Variants in DISC1 observed in about 807,000 individuals in gnomAD.
DISC1 encodes DISC1 scaffold protein, also known as disrupted in schizophrenia 1 protein.
A neutral mutation model predicts 84.5 loss-of-function variants in DISC1; 57 were observed. That is an observed-to-expected ratio of 0.67 (90% CI 0.55 to 0.84). DISC1 has a LOEUF of 0.84. Among genes scored for constraint, DISC1 ranks in the 40% least tolerant of loss-of-function variants. The pLI, the probability that DISC1 is intolerant of heterozygous loss-of-function variation, is 0.00. For synonymous variants in DISC1, 411 were observed against 415.2 expected (o/e 0.99, Z 0.12); for missense variants, 1,000 against 1,057.8 (o/e 0.95, Z 0.76).
intron 6 of DISC1, chr1:231,771,481 C>A (rs1198628114): frequency 1.0e-6 from 1 of 985,224 alleles, no homozygotes; most frequent in Non-Finnish European, 1.2e-6. Flanking sequence ...AGAGGGACAC[C>A]CAATGGCAAA....
intron 1 of DISC1, among the ~76,000 whole-genome samples, chr1:231,668,730 T>C (rs924544957): frequency 6.6e-6 from 1 of 152,194 alleles, no homozygotes; most frequent in African/African-American, 2.4e-5. Flanking sequence ...ATCCCAGTGA[T>C]AGTGATACCA....
intron 3 of DISC1, among the ~76,000 whole-genome samples, chr1:231,741,516 A>G (rs2073271112): frequency 6.6e-6 from 1 of 152,220 alleles, no homozygotes; most frequent in Non-Finnish European, 1.5e-5. Flanking sequence ...GCAGGTCACT[A>G]TACAATGACC....
chr1:231,711,357 C>CTTTTT (rs57262026), intron 3 of DISC1, among the ~76,000 whole-genome samples: 7 of 111,306 alleles, frequency 6.3e-5, no homozygotes, highest in Admixed American at 3.6e-4. Context: ...GGACATATTT[C>CTTTTT]TTTTTTTTTT....
chr1:231,846,147 G>A (rs571009161), intron 9 of DISC1, among the ~76,000 whole-genome samples: 9 of 152,278 alleles, frequency 5.9e-5, no homozygotes, highest in African/African-American at 1.9e-4. Flanking sequence ...GGTGGGGAGT[G>A]AGCATCCACA....
chr1:231,837,929 T>C, intron 9 of DISC1, among the ~76,000 whole-genome samples: 1 of 152,204 alleles, frequency 6.6e-6, no homozygotes, highest in East Asian at 1.9e-4. Context: ...TTTGTATGAA[T>C]GCCCTTTCAT....
At chr1:231,840,581 C>T (rs752012224) in intron 9 of DISC1, among the ~76,000 whole-genome samples, 12 of 152,010 alleles carry the variant, frequency 7.9e-5, no homozygotes, top group Non-Finnish European at 1.2e-4. Context: ...CCTATTCATA[C>T]GATGCTCTGG....
chr1:232,007,512 T>C (rs1386126313), intron 10 of DISC1, among the ~76,000 whole-genome samples: 1 of 152,230 alleles, frequency 6.6e-6, no homozygotes, highest in African/African-American at 2.4e-5. Context: ...GCGTGGGGCC[T>C]GTAGCCCCTT....
chr1:231,792,702 A>G (rs983257508), intron 6 of DISC1, among the ~76,000 whole-genome samples: 2 of 152,218 alleles, frequency 1.3e-5, no homozygotes, highest in African/African-American at 4.8e-5. Flanking sequence ...GTACGGGTCC[A>G]TGTTGGATGC....
chr1:231,830,696 A>G (rs944460334), intron 9 of DISC1, among the ~76,000 whole-genome samples: 1 of 152,198 alleles, frequency 6.6e-6, no homozygotes, highest in African/African-American at 2.4e-5. Flanking sequence ...GTCTGGAATG[A>G]GACTGGGGCC....
At chr1:231,793,844 T>C (rs2078537254) in intron 6 of DISC1, among the ~76,000 whole-genome samples, 1 of 152,198 alleles carries the variant, frequency 6.6e-6, no homozygotes, top group African/African-American at 2.4e-5. Flanking sequence ...TTCAAACATA[T>C]TTAAAAATAC....
At chr1:232,003,699 C>A (rs564508938) in intron 10 of DISC1, among the ~76,000 whole-genome samples, 8 of 152,034 alleles carry the variant, frequency 5.3e-5, no homozygotes, top group African/African-American at 9.6e-5. Context: ...GATAGGAGAA[C>A]CCTCAGATAA....
intron 8 of DISC1, among the ~76,000 whole-genome samples, chr1:231,807,039 G>A (rs911333734): frequency 3.3e-5 from 5 of 152,204 alleles, no homozygotes; most frequent in African/African-American, 4.8e-5. Context: ...CGCGTCCACC[G>A]TCTGCATGCC....
intron 4 of DISC1, among the ~76,000 whole-genome samples, chr1:231,766,303 A>AAC (rs1553340532): frequency 1.3e-5 from 2 of 150,504 alleles, no homozygotes; most frequent in African/African-American, 2.4e-5. Flanking sequence ...AAAAAAAAAA[A>AAC]AAAACAAAAT....
In DISC1 at chr1:231,893,549, T is replaced by G. The variant is rs144224987; in HGVS notation, c.1982-65279T>G. On this transcript the variant is annotated intron_variant, in intron 9 of 12. Coordinates refer to ENST00000439617, the MANE Select transcript of DISC1 (RefSeq NM_018662.3). Reference sequence around the variant, plus strand: ...TATGAAAGCATGTATTTCTTGCTCATGGACTTGTGCGTCATCTTGTGGCTT... The same window carrying G: ...TATGAAAGCATGTATTTCTTGCTCAGGGACTTGTGCGTCATCTTGTGGCTT... 2.4e-3 allele frequency among the ~76,000 whole-genome samples: 367 copies of G among 152,360 alleles called. 2 individuals are homozygous for G. The highest frequency in any genetic ancestry group is 8.5e-3 in the African/African-American group (353 of 41,584).
intron 1 of DISC1, among the ~76,000 whole-genome samples, chr1:231,660,920 C>T (rs184216829): frequency 6.6e-6 from 1 of 152,154 alleles, no homozygotes. Flanking sequence ...TTTTCGTTTC[C>T]ATATTTAGTG....
chr1:231,766,521 A>C (rs1019760662), intron 4 of DISC1, among the ~76,000 whole-genome samples: 3 of 152,176 alleles, frequency 2.0e-5, no homozygotes, highest in Non-Finnish European at 2.9e-5. Context: ...CAACCTTCTC[A>C]TTGACTAGTG....
intron 10 of DISC1, among the ~76,000 whole-genome samples, chr1:232,002,312 T>C (rs1000957696): frequency 3.9e-5 from 6 of 152,190 alleles, no homozygotes; most frequent in Non-Finnish European, 7.3e-5. Flanking sequence ...AAAAACAGTT[T>C]GGCAGTTTCT....
intron 9 of DISC1, among the ~76,000 whole-genome samples, chr1:231,827,483 T>C (rs1445164459): frequency 6.6e-6 from 1 of 152,242 alleles, no homozygotes; most frequent in Non-Finnish European, 1.5e-5. Context: ...GGCATTATCA[T>C]GAGTTATGGC....
chr1:231,681,975 C>T (rs932317685), intron 1 of DISC1, among the ~76,000 whole-genome samples: 4 of 152,196 alleles, frequency 2.6e-5, no homozygotes, highest in South Asian at 2.1e-4. Context: ...GCTGGGATTA[C>T]AGGCATGAGC....
Sources: allele counts gnomAD v4.1 joint callset (sites outside exome capture counted in the v4.1 genomes callset), GRCh38; gene constraint gnomAD v4.1.1; transcripts MANE v1.5; gene names NCBI Gene and HGNC (gene_info 2026-07-23, HGNC 2026-07-21).